Variants in SLC2A9 observed in about 807,000 individuals in gnomAD.
The protein encoded by SLC2A9 is solute carrier family 2, facilitated glucose transporter member 9.
A neutral mutation model predicts 50.6 loss-of-function variants in SLC2A9; 39 were observed. The observed-to-expected ratio is 0.77, with a 90% CI of 0.60 to 1.01. SLC2A9 has a LOEUF of 1.01. Ranked by LOEUF, SLC2A9 falls within the 50% of genes least tolerant of loss-of-function variation. SLC2A9 has a pLI of 0.00. For synonymous variants in SLC2A9, 324 were observed against 276.9 expected (o/e 1.17, Z -1.69); for missense variants, 686 against 677.6 (o/e 1.01, Z -0.14).
chr4:10,027,933 G>A (rs911188624), intron 1 of SLC2A9, among the ~76,000 whole-genome samples: 3 of 152,124 alleles, frequency 2.0e-5, no homozygotes, highest in African/African-American at 7.2e-5. Context: ...GGAACACCAG[G>A]CTTTATTTCT....
chr4:9,842,403 T>C (rs536553199), intron 10 of SLC2A9, among the ~76,000 whole-genome samples: 4 of 152,356 alleles, frequency 2.6e-5, no homozygotes, highest in African/African-American at 9.6e-5. Context: ...TTGCGACCTT[T>C]ACTTTTGTGG....
chr4:9,871,641 T>C (rs1733455429), intron 10 of SLC2A9, among the ~76,000 whole-genome samples: 2 of 152,186 alleles, frequency 1.3e-5, no homozygotes, highest in Non-Finnish European at 2.9e-5. Context: ...TTGCGATCCT[T>C]AACTGAGTAA....
At chr4:9,929,946 C>T (rs924338296) in intron 6 of SLC2A9, among the ~76,000 whole-genome samples, 1 of 152,142 alleles carries the variant, frequency 6.6e-6, no homozygotes, top group African/African-American at 2.4e-5. Context: ...AGGCACCACC[C>T]TCATGACCTC....
Position 9,951,993 on chromosome 4 carries a change from T to C in SLC2A9, c.682-9948A>G, listed in dbSNP as rs538673436. On this transcript the variant is annotated intron_variant, in intron 5 of 11. Coordinates refer to ENST00000264784, the MANE Select transcript of SLC2A9 (RefSeq NM_020041.3). ...TGTGCCACGGCTCAGCTCATAAGACTCCCAATGCCACAGAAGCCAAGAAAG... is the reference window on the plus strand; with the variant it reads ...TGTGCCACGGCTCAGCTCATAAGACCCCCAATGCCACAGAAGCCAAGAAAG... Among the ~76,000 whole-genome samples the C allele has an allele frequency of 2.6e-5, 4 of 152,276 alleles. No homozygotes were observed. The East Asian group carries it at 7.7e-4, about 29-fold the overall frequency.
chr4:9,814,138 G>A (rs11735883), intron 3 of SLC2A9, among the ~76,000 whole-genome samples: 25,665 of 151,844 alleles, frequency 0.17, 2,194 homozygotes, highest in Admixed American at 0.2. Flanking sequence ...AGACTCCATC[G>A]CAAAAATGAA....
chr4:9,942,440 G>A (rs898323272), intron 5 of SLC2A9, among the ~76,000 whole-genome samples: 2 of 152,178 alleles, frequency 1.3e-5, no homozygotes, highest in African/African-American at 4.8e-5. Flanking sequence ...AATGGAGCCT[G>A]CATGTGGAGG....
intron 5 of SLC2A9, among the ~76,000 whole-genome samples, chr4:9,955,867 A>ATTTTTTTTTT (rs1170286158): frequency 9.7e-5 from 6 of 61,692 alleles, no homozygotes; most frequent in African/African-American, 2.1e-4. Context: ...AAGCATCTGG[A>ATTTTTTTTTT]TTTTTTTTTT....
At chr4:10,000,081 C>A (rs535737931) in intron 2 of SLC2A9, among the ~76,000 whole-genome samples, 1 of 151,642 alleles carries the variant, frequency 6.6e-6, no homozygotes, top group East Asian at 2.0e-4. Flanking sequence ...CCTCTGCTTG[C>A]GAGGTATTTA....
chr4:9,958,447 A>T (rs1249719235), intron 5 of SLC2A9, among the ~76,000 whole-genome samples: 6 of 152,158 alleles, frequency 3.9e-5, no homozygotes, highest in Admixed American at 3.9e-4. Flanking sequence ...GAACAATGAG[A>T]ACACATGGAC....
intron 10 of SLC2A9, among the ~76,000 whole-genome samples, chr4:9,886,761 C>T (rs185854976): frequency 6.6e-6 from 1 of 152,118 alleles, no homozygotes; most frequent in African/African-American, 2.4e-5. Context: ...ATGGCTGTGT[C>T]AGACCCTGCC....
intron 10 of SLC2A9, among the ~76,000 whole-genome samples, chr4:9,861,926 G>A (rs1343923846): frequency 1.3e-5 from 2 of 152,192 alleles, no homozygotes; most frequent in Admixed American, 1.3e-4. Context: ...GGTATTGAAA[G>A]TAAAATTCCT....
intron 2 of SLC2A9, among the ~76,000 whole-genome samples, chr4:10,002,243 C>A (rs374242735): frequency 6.6e-6 from 1 of 152,194 alleles, no homozygotes; most frequent in Non-Finnish European, 1.5e-5. Flanking sequence ...TGTGAGCAAC[C>A]CACTCTTTTC....
At chr4:9,901,222 G>T (rs1336864079) in intron 8 of SLC2A9, among the ~76,000 whole-genome samples, 2 of 152,034 alleles carry the variant, frequency 1.3e-5, no homozygotes, top group Non-Finnish European at 1.5e-5. Flanking sequence ...TTTCTCCTAA[G>T]GTCCTGTAAC....
chr4:9,834,597 G>A (rs140564739), intron 11 of SLC2A9, among the ~76,000 whole-genome samples: 106 of 152,304 alleles, frequency 7.0e-4, no homozygotes, highest in African/African-American at 2.5e-3. Flanking sequence ...TGATAAGTAG[G>A]TTGTAGGTTT....
chr4:9,993,029 T>G (rs1757984202), intron 3 of SLC2A9, among the ~76,000 whole-genome samples: 1 of 152,374 alleles, frequency 6.6e-6, no homozygotes, highest in African/African-American at 2.4e-5. Flanking sequence ...AGGGGCTGCC[T>G]CCTTTGCCCA....
At chr4:9,882,151 C>T (rs1046479525) in intron 10 of SLC2A9, among the ~76,000 whole-genome samples, 2 of 152,166 alleles carry the variant, frequency 1.3e-5, no homozygotes, top group Non-Finnish European at 2.9e-5. Flanking sequence ...CAACTAGAAA[C>T]AAAAGACAAA....
intron 2 of SLC2A9, among the ~76,000 whole-genome samples, chr4:10,015,322 G>C (rs887404835): frequency 6.6e-6 from 1 of 152,230 alleles, no homozygotes; most frequent in Non-Finnish European, 1.5e-5. Context: ...AGGAGGGGCA[G>C]AGAGCATGGC....
At chr4:9,957,502 C>A (rs958343732) in intron 5 of SLC2A9, among the ~76,000 whole-genome samples, 2 of 152,132 alleles carry the variant, frequency 1.3e-5, no homozygotes, top group Admixed American at 1.3e-4. Context: ...AAGAAACCAA[C>A]AGAAAGATAA....
At chr4:9,919,003 C>T (rs796613674) in intron 7 of SLC2A9, among the ~76,000 whole-genome samples, 2 of 152,006 alleles carry the variant, frequency 1.3e-5, no homozygotes, top group South Asian at 4.2e-4. Flanking sequence ...ACGGGGGATG[C>T]AAATGGAAAA....
Sources: allele counts gnomAD v4.1 joint callset (sites outside exome capture counted in the v4.1 genomes callset), GRCh38; gene constraint gnomAD v4.1.1; transcripts MANE v1.5; gene names NCBI Gene and HGNC (gene_info 2026-07-23, HGNC 2026-07-21).